CYP4B1: variants seen among roughly 807,000 people sequenced by gnomAD.
CYP4B1 encodes the protein cytochrome P450 family 4 subfamily B member 1.
CYP4B1 carries 45 observed loss-of-function variants against 54.0 expected under a neutral mutation model. That is an observed-to-expected ratio of 0.83 (90% CI 0.66 to 1.07). The LOEUF is 1.07. CYP4B1 is among the 50% of genes least tolerant of loss of function. The probability of loss-of-function intolerance (pLI) is 0.00; values close to 1 mark genes in which losing one functional copy is unlikely to be tolerated. For missense variants in CYP4B1, 656 were observed against 655.4 expected, an observed-to-expected ratio of 1.00 and a Z score of -0.01; for synonymous variants, 248 against 247.5, an observed-to-expected ratio of 1.00 and a Z score of -0.02.
chr1:46,805,859 G>A (rs989428076), intron 1 of CYP4B1, among the ~76,000 whole-genome samples: 2 of 152,152 alleles, frequency 1.3e-5, no homozygotes, highest in African/African-American at 4.8e-5. Context: ...TGGGGTGTGG[G>A]GAGAGGGCCC....
chr1:46,813,341 G>A, intron 4 of CYP4B1, 141 bp from the exon 5 acceptor site: 1 of 975,040 alleles, frequency 1.0e-6, no homozygotes, highest in Non-Finnish European at 1.5e-6. Flanking sequence ...CAGGATGGAG[G>A]GCAGGACAGG....
chr1:46,802,518 G>A (rs904943410), intron 1 of CYP4B1, among the ~76,000 whole-genome samples: 8 of 152,172 alleles, frequency 5.3e-5, no homozygotes, highest in South Asian at 2.1e-4. Context: ...GCAGATAAAC[G>A]TCAGGTGTTA....
intron 10 of CYP4B1, 32 bp downstream of exon 10, chr1:46,818,061 G>A: frequency 6.2e-7 from 1 of 1,613,618 alleles, no homozygotes; most frequent in Non-Finnish European, 8.5e-7. Context: ...AGATCAGACA[G>A]GGTGGGGGAC....
intron 1 of CYP4B1, among the ~76,000 whole-genome samples, chr1:46,799,632 T>C (rs45483993): frequency 0.012 from 1,797 of 152,336 alleles, 19 homozygotes; most frequent in Non-Finnish European, 0.016. Flanking sequence ...GAAAGCTCAA[T>C]CAGCGTCCGT....
At chr1:46,800,493 G>T (rs545098566) in intron 1 of CYP4B1, among the ~76,000 whole-genome samples, 11 of 151,996 alleles carry the variant, frequency 7.2e-5, no homozygotes, top group Admixed American at 6.6e-4. Context: ...ACCATGCCTA[G>T]CTAATTTTTG....
In CYP4B1 at chr1:46,815,125, A is replaced by G. The variant is rs1679284347; in HGVS notation, c.934A>G (p.Thr312Ala). Residue 312 changes from threonine to alanine, a missense_variant, in exon 8 of 12, where the codon ACA becomes GCA. Coordinates refer to ENST00000371923, the MANE Select transcript of CYP4B1 (RefSeq NM_001099772.2). The stretch of plus-strand genomic sequence containing the variant: ...TGCAGACCTCCGGGCTGAAGTGGAC[A>G]CATTCATGTTTGAAGGCCATGACAC... ...SDADLRAEVD[T>A]FMFEGHDTTT... is the part of the protein sequence containing the mutation. 4 of 1,614,216 alleles carry G rather than the reference A, an allele frequency of 2.5e-6. No homozygotes were observed. The highest frequency in any genetic ancestry group is 3.4e-6 in the Non-Finnish European group (4 of 1,180,040).
chr1:46,811,015 T>C, intron 2 of CYP4B1, 66 bp downstream of exon 2: 2 of 1,602,864 alleles, frequency 1.2e-6, no homozygotes, highest in Admixed American at 1.7e-5. Flanking sequence ...GCTCAGGGCA[T>C]GATATGGGGA....
rs368259053 is a variant in CYP4B1 at position 46,814,246 on chromosome 1, T to C, written c.813T>C (p.Asp271=). 1.9e-5 allele frequency: 30 copies of C among 1,614,124 alleles called. No homozygotes were observed. The African/African-American group carries it at 3.6e-4, about 19-fold the overall frequency. ...VIRERKAALQ[D]EKVRKKIQNR... is the part of the protein sequence containing the mutation. ...GGGAGCGGAAGGCAGCCCTGCAGGA[T>C]GAGAAGGTGCGGAAGAAGATCCAGA... Residue 271 remains aspartate (D), a synonymous_variant, in exon 7 of 12, where the codon GAT becomes GAC. Coordinates refer to ENST00000371923, the MANE Select transcript of CYP4B1 (RefSeq NM_001099772.2).
At chr1:46,811,942 A>T (rs1390556062) in intron 3 of CYP4B1, among the ~76,000 whole-genome samples, 1 of 152,144 alleles carries the variant, frequency 6.6e-6, no homozygotes, top group African/African-American at 2.4e-5. Flanking sequence ...TTAGTTATCA[A>T]TGGGAGGATA....
chr1:46,818,847 G>A lies in CYP4B1; in HGVS notation c.*33G>A. The stretch of plus-strand genomic sequence containing the variant: ...GAGAATGGGGTCCCAGATGGCTCAG[G>A]CTGTGACCTCCCTGGGCACCACCCT... On this transcript the variant is annotated 3_prime_UTR_variant, in exon 12 of 12. Coordinates refer to ENST00000371923, the MANE Select transcript of CYP4B1 (RefSeq NM_001099772.2). 6.2e-7 allele frequency: 1 copy of A among 1,607,480 alleles called. No homozygotes were observed. The highest frequency in any genetic ancestry group is 8.5e-7 in the Non-Finnish European group (1 of 1,175,278).
rs760479291 is a variant in CYP4B1 at position 46,818,878 on chromosome 1, G to C, written c.*64G>C. The C allele has an allele frequency of 6.4e-7, 1 of 1,560,050 alleles. No homozygotes were observed. Among genetic ancestry groups the C allele is most frequent in the Non-Finnish European group, 8.7e-7 (1 of 1,142,866 alleles). ...ACCTCCCTGGGCACCACCCTCCCCA[G>C]GCTGGGTGTGGAGGAGTTGGGGCCC... On this transcript the variant is annotated 3_prime_UTR_variant, in exon 12 of 12. Coordinates refer to ENST00000371923, the MANE Select transcript of CYP4B1 (RefSeq NM_001099772.2).
Position 46,799,258 on chromosome 1 carries a change from C to T in CYP4B1, c.177C>T (p.Leu59=), listed in dbSNP as rs55642000. ...CCCACTGGCTTTTTGGACATGCCCT[C>T]GAGGTATGTGGAGGTCGGGAGGGTG... The part of the protein sequence containing the change: ...PPTHWLFGHA[L]EIQETGSLDK... The change falls in exon 1 of 12, where the codon CTC becomes CTT. Residue 59 remains leucine, a synonymous_variant. Transcript: ENST00000371923. 2.0e-5 allele frequency: 32 copies of T among 1,587,594 alleles called. No individual in the cohort carries two copies. The African/African-American group carries it at 2.3e-4, about 11-fold the overall frequency.
At position 46,810,148 on chromosome 1, in the gene CYP4B1, A is replaced by G. The variant is rs376747961; in HGVS notation, c.181-660A>G. On this transcript the variant is annotated intron_variant, in intron 1 of 11. Transcript: ENST00000371923. The stretch of plus-strand genomic sequence containing the variant: ...CATGGCCAGAGACTCACCATCCTTC[A>G]AGTTTCACCTTAAATGTTGTCTCCA... Among the ~76,000 whole-genome samples the G allele has an allele frequency of 3.9e-5, 6 of 152,170 alleles. 1 individual carries two copies. The South Asian group carries it at 1.2e-3, about 32-fold the overall frequency.
rs11211368 is a variant in CYP4B1, at chr1:46,812,159, C to T, written c.368-337C>T. 4,643 of 484,650 alleles carry T rather than the reference C, an allele frequency of 9.6e-3. 176 individuals carry two copies. The highest frequency in any genetic ancestry group is 0.083 in the African/African-American group (4,247 of 51,428). The allele number at this position is 484,650 out of a possible 1,614,324, so 30.0% of individuals were successfully genotyped here. ...AGTCAAGGCTCAGCAGGCTCCCCCT[C>T]TGCTTGGCTGTCCCCAGGGGGATGC... On this transcript the variant is annotated intron_variant, in intron 3 of 11. Coordinates refer to ENST00000371923, the MANE Select transcript of CYP4B1 (RefSeq NM_001099772.2).
At chr1:46,814,131 C>T in intron 6 of CYP4B1, 68 bp downstream of exon 6, 1 of 1,609,638 alleles carries the variant, frequency 6.2e-7, no homozygotes, top group East Asian at 2.2e-5. Context: ...TCTATGCCCC[C>T]TCCCATTATA....
rs1679435326 is a variant in CYP4B1 at position 46,818,672 on chromosome 1, T to C, written c.1397T>C (p.Val466Ala). 6.2e-7 allele frequency: 1 copy of C among 1,614,062 alleles called. No homozygotes were observed. Among genetic ancestry groups the C allele is most frequent in the African/African-American group, 1.3e-5 (1 of 74,916 alleles). ...GQQFAMSEMK[V>A]VTAMCLLRFE... The stretch of plus-strand genomic sequence containing the variant: ...CAGTTTGCCATGAGTGAGATGAAGG[T>C]GGTCACAGCCATGTGCTTGCTCCGC... The change falls in exon 12 of 12, where the codon GTG (valine) becomes GCG (alanine). Residue 466 changes from valine (V) to alanine (A), a missense_variant. Transcript: ENST00000371923.
At chr1:46,812,997 C>T (rs923978526) in intron 4 of CYP4B1, among the ~76,000 whole-genome samples, 10 of 152,148 alleles carry the variant, frequency 6.6e-5, no homozygotes, top group Admixed American at 2.0e-4. Flanking sequence ...AAACGTGTCT[C>T]CTCATTTTCT....
intron 8 of CYP4B1, among the ~76,000 whole-genome samples, chr1:46,816,581 GACAC>G (rs3066413): frequency 4.8e-5 from 7 of 146,588 alleles, no homozygotes; most frequent in Non-Finnish European, 9.0e-5. Flanking sequence ...AAAGGGAAAA[GACAC>G]ACACACACAC....
intron 5 of CYP4B1, 114 bp downstream of exon 5, chr1:46,813,720 C>A: frequency 6.6e-7 from 1 of 1,504,658 alleles, no homozygotes; most frequent in Non-Finnish European, 9.0e-7. Context: ...CCCCAGGGAG[C>A]CTTAGCTTGC....
Sources: gnomAD v4.1 joint callset for allele counts (sites outside exome capture counted in the v4.1 genomes callset) on GRCh38, gnomAD v4.1.1 for gene constraint, MANE v1.5 for transcripts, NCBI Gene and HGNC (gene_info 2026-07-23, HGNC 2026-07-21) for gene names.